Variants in MINK1 observed in about 807,000 individuals in gnomAD.
MINK1 encodes the protein misshapen-like kinase 1.
MINK1 carries 46 observed loss-of-function variants against 178.4 expected under a neutral mutation model. The ratio of observed to expected loss-of-function variants is 0.26; its 90% CI spans 0.20 to 0.33. The LOEUF is 0.33. Ranked by LOEUF, MINK1 falls within the 10% of genes least tolerant of loss-of-function variation. The pLI, the probability that MINK1 is intolerant of heterozygous loss-of-function variation, is 1.00. For synonymous variants in MINK1, 797 were observed against 709.7 expected (o/e 1.12, Z -1.96); for missense variants, 1,366 against 1,814.9 (o/e 0.75, Z 4.49).
At chr17:4,879,144 GA>G (rs1418335128) in intron 2 of MINK1, among the ~76,000 whole-genome samples, 2 of 131,522 alleles carry the variant, frequency 1.5e-5, no homozygotes, top group African/African-American at 6.0e-5. Flanking sequence ...CTTGGATTGG[GA>G]GGAGCCGCTG....
chr17:4,878,341 G>A lies in MINK1; in HGVS notation c.82G>A (p.Val28Met). 1.3e-6 allele frequency: 2 copies of A among 1,537,648 alleles called. No individual in the cohort carries two copies. The change falls in exon 2 of 32, where the codon GTG (valine) becomes ATG (methionine). Residue 28 changes from valine to methionine, a missense_variant. Val to Met is a conservative substitution (Grantham distance 21). Coordinates refer to ENST00000355280, the MANE Select transcript of MINK1 (RefSeq NM_153827.5). ...LRDPAGIFEL[V>M]EVVGNGTYGQ... Reference sequence around the variant, plus strand: ...GGACCCTGCTGGGATCTTTGAGCTTGTGGAGGTGGTCGGCAATGGAACCTA... The same window carrying A: ...GGACCCTGCTGGGATCTTTGAGCTTATGGAGGTGGTCGGCAATGGAACCTA...
In MINK1 at chr17:4,896,109, C is replaced by T. The variant is rs1969429713; in HGVS notation, c.3465+6C>T. Reference sequence around the variant, plus strand: ...ACAAATTCATGGCCTTCAAGGTAATCCCAGCCTCGGTCCCTAACACCATCT... The same window carrying T: ...ACAAATTCATGGCCTTCAAGGTAATTCCAGCCTCGGTCCCTAACACCATCT... On this transcript the variant is annotated splice_donor_region_variant and intron_variant, in intron 28 of 31. Transcript: ENST00000355280. The surrounding 1 kb of genome is among the most constrained non-coding windows in gnomAD (Gnocchi z 4.6). 1.2e-6 allele frequency: 2 copies of T among 1,605,988 alleles called. No homozygotes were observed. The highest frequency in any genetic ancestry group is 1.7e-5 in the Admixed American group (1 of 58,730).
At position 4,894,543 on chromosome 17, in the gene MINK1, G is replaced by A. The variant is rs1343789810; in HGVS notation, c.2827G>A (p.Val943Ile). 1 of 1,605,320 alleles carries A rather than the reference G, an allele frequency of 6.2e-7. No individual in the cohort carries two copies. The highest frequency in any genetic ancestry group is 8.5e-7 in the Non-Finnish European group (1 of 1,175,830). ...ACCACAGTACCAGTCTCGTGGGCTGGTAAAGGCCCCTGGCAAGAGCTCGTT... is the reference window on the plus strand; with the variant it reads ...ACCACAGTACCAGTCTCGTGGGCTGATAAAGGCCCCTGGCAAGAGCTCGTT... ...GSGDYQSRGL[V>I]KAPGKSSFTM... is the part of the protein sequence containing the mutation. The change falls in exon 24 of 32, where the codon GTA (valine) becomes ATA (isoleucine). Residue 943 changes from valine (V) to isoleucine (I), a missense_variant. By Grantham distance (29) the Val-to-Ile change is conservative (BLOSUM62 3). Coordinates refer to ENST00000355280, the MANE Select transcript of MINK1 (RefSeq NM_153827.5). This position sits in a 1 kb window ranked among gnomAD's most constrained non-coding sequence, Gnocchi z 4.1.
At position 4,894,222 on chromosome 17, in the gene MINK1, A is replaced by G; in HGVS notation, c.2719A>G (p.Thr907Ala). Residue 907 changes from threonine (T) to alanine (A), a missense_variant, in exon 23 of 32, where the codon ACA becomes GCA. Transcript: ENST00000355280. This position sits in a 1 kb window ranked among gnomAD's most constrained non-coding sequence, Gnocchi z 4.1. Reference sequence around the variant, plus strand: ...GCTGCATGCTGACAGCAATGGGTACACAAACCTGCCTGACGTGGTCCAGCC... The same window carrying G: ...GCTGCATGCTGACAGCAATGGGTACGCAAACCTGCCTGACGTGGTCCAGCC... Reference protein sequence around the residue: ...NLLHADSNGYTNLPDVVQPSH... With the variant: ...NLLHADSNGYANLPDVVQPSH... 1 of 1,613,526 alleles carries G rather than the reference A, an allele frequency of 6.2e-7. No homozygotes were observed. Among genetic ancestry groups the G allele is most frequent in the Non-Finnish European group, 8.5e-7 (1 of 1,179,848 alleles).
At position 4,886,703 on chromosome 17, in the gene MINK1, C is replaced by CT. The variant is rs1968241306; in HGVS notation, c.949+78dup. The CT allele has an allele frequency of 2.1e-6, 3 of 1,416,088 alleles. No homozygotes were observed. 87.7% of individuals were successfully genotyped at this position (1,416,088 alleles called of 1,614,324 possible). Reference sequence around the variant, plus strand: ...TCCTCTCTGCCAGCCCTGCTCGCTCCTGGCACCCCTTCCTGCTCCCCTCCT... The same window carrying CT: ...TCCTCTCTGCCAGCCCTGCTCGCTCCTTGGCACCCCTTCCTGCTCCCCTCCT... On this transcript the variant is annotated intron_variant, in intron 10 of 31. Coordinates refer to ENST00000355280, the MANE Select transcript of MINK1 (RefSeq NM_153827.5). The surrounding 1 kb of genome is among the most constrained non-coding windows in gnomAD (Gnocchi z 6.1).
At position 4,897,495 on chromosome 17, in the gene MINK1, G is replaced by C. The variant is rs182306652; in HGVS notation, c.*208G>C. 22 of 537,354 alleles carry C rather than the reference G, an allele frequency of 4.1e-5. No homozygotes were observed. The East Asian group carries it at 6.8e-4, about 17-fold the overall frequency. The allele number at this position is 537,354 out of a possible 1,614,324, so 33.3% of individuals were successfully genotyped here. ...CCCAACATGTCCTCTTCCCAAAACT[G>C]TGCCTGTCCCCAGCTTCTGGGGAGG... On this transcript the variant is annotated 3_prime_UTR_variant, in exon 32 of 32. Transcript: ENST00000355280.
chr17:4,855,728 C>G (rs1279785524), intron 1 of MINK1, among the ~76,000 whole-genome samples: 6 of 143,838 alleles, frequency 4.2e-5, no homozygotes, highest in African/African-American at 1.5e-4. Context: ...CGAGATCGCG[C>G]CACTGCACTC....
intron 1 of MINK1, among the ~76,000 whole-genome samples, chr17:4,848,306 G>A (rs1339365511): frequency 6.6e-6 from 1 of 152,162 alleles, no homozygotes; most frequent in South Asian, 2.1e-4. Flanking sequence ...TCAAACCCCA[G>A]TTCTGTCACT....
In MINK1 at chr17:4,895,878, G is replaced by T; in HGVS notation, c.3364+46G>T. 6.3e-7 allele frequency: 1 copy of T among 1,599,716 alleles called. No individual in the cohort carries two copies. Among genetic ancestry groups the T allele is most frequent in the Non-Finnish European group, 8.5e-7 (1 of 1,171,490 alleles). On this transcript the variant is annotated intron_variant, in intron 27 of 31. Transcript: ENST00000355280. This position sits in a 1 kb window ranked among gnomAD's most constrained non-coding sequence, Gnocchi z 4.3. Reference sequence around the variant, plus strand: ...TGGCCAGCGCATACTTGTTCATGAAGAGAGAAATGGATCTGGGAGCCAGGG... The same window carrying T: ...TGGCCAGCGCATACTTGTTCATGAATAGAGAAATGGATCTGGGAGCCAGGG...
At chr17:4,876,915 C>G (rs1379915381) in intron 1 of MINK1, among the ~76,000 whole-genome samples, 1 of 151,970 alleles carries the variant, frequency 6.6e-6, no homozygotes, top group Non-Finnish European at 1.5e-5. Context: ...TAGTGACACC[C>G]CGTCTCTACT....
At position 4,843,885 on chromosome 17, in the gene MINK1, C is replaced by G. The variant is rs61566335; in HGVS notation, c.57+10245C>G. On this transcript the variant is annotated intron_variant, in intron 1 of 31. Transcript: ENST00000355280. ...GGCTGCCATGCTGTTGGAGGGAGAC[C>G]TGCTCCCACGTGGCGGTGGGTATTT... 6.8e-3 allele frequency among the ~76,000 whole-genome samples: 1,028 copies of G among 152,274 alleles called. 11 individuals carry two copies. The highest frequency in any genetic ancestry group is 0.023 in the African/African-American group (948 of 41,552).
In MINK1 at chr17:4,843,186, G is replaced by A. The variant is rs112081346; in HGVS notation, c.57+9546G>A. Among the ~76,000 whole-genome samples, 248 of 152,234 alleles carry A rather than the reference G, an allele frequency of 1.6e-3. 2 individuals are homozygous for A. The highest frequency in any genetic ancestry group is 6.8e-3 in the Middle Eastern group (2 of 294). ...GGAACAGGCAGGATGTGGATCAGAA[G>A]TTGGTTTGGGCTGGGCGCAGTGGCT... On this transcript the variant is annotated intron_variant, in intron 1 of 31. Coordinates refer to ENST00000355280, the MANE Select transcript of MINK1 (RefSeq NM_153827.5).
At chr17:4,862,465 G>A (rs141291482) in intron 1 of MINK1, among the ~76,000 whole-genome samples, 1,876 of 152,182 alleles carry the variant, frequency 0.012, 17 homozygotes, top group Non-Finnish European at 0.02. Flanking sequence ...GACCAGCCAG[G>A]CCAACATGGC....
chr17:4,836,058 T>C lies in MINK1; in HGVS notation c.57+2418T>C, dbSNP rs1363471792. ...CTGCTGCAGACCTTTTCTCAGTGCC[T>C]GTCCCCCTGACTCCACCTCAGAGAG... On this transcript the variant is annotated intron_variant, in intron 1 of 31. Coordinates refer to ENST00000355280, the MANE Select transcript of MINK1 (RefSeq NM_153827.5). The surrounding 1 kb of genome is among the most constrained non-coding windows in gnomAD (Gnocchi z 4.3). 6.6e-6 allele frequency among the ~76,000 whole-genome samples: 1 copy of C among 152,206 alleles called. No individual in the cohort carries two copies. Among genetic ancestry groups the C allele is most frequent in the Non-Finnish European group, 1.5e-5 (1 of 68,046 alleles).
intron 1 of MINK1, among the ~76,000 whole-genome samples, chr17:4,877,091 GAAA>G (rs1010571846): frequency 9.9e-6 from 1 of 100,520 alleles, no homozygotes. Context: ...AGTCTCAAAA[GAAA>G]AAAAAAAAAA....
Position 4,897,991 on chromosome 17 carries a change from C to CCCCCCCCCCCCCT in MINK1, c.*705_*706insCCCCCCCCCCCTC, listed in dbSNP as rs1555545738. 2.1e-5 allele frequency: 3 copies of CCCCCCCCCCCCCT among 145,852 alleles called. No individual in the cohort carries two copies. Among genetic ancestry groups the CCCCCCCCCCCCCT allele is most frequent in the African/African-American group, 2.5e-5 (1 of 40,238 alleles). 9.0% of individuals were successfully genotyped at this position (145,852 alleles called of 1,614,324 possible). On this transcript the variant is annotated 3_prime_UTR_variant, in exon 32 of 32. Coordinates refer to ENST00000355280, the MANE Select transcript of MINK1 (RefSeq NM_153827.5). ...GCAAGTAACCCTTCTCCCTCCCCCC[C>CCCCCCCCCCCCCT]CACCCCTCCTCAATGTAGTGGCCTT...
chr17:4,834,720 G>T, intron 1 of MINK1: 1 of 519,274 alleles, frequency 1.9e-6, no homozygotes, highest in South Asian at 1.4e-5. Flanking sequence ...TTGATCCTGT[G>T]CCCTTCCAGC....
intron 1 of MINK1, among the ~76,000 whole-genome samples, chr17:4,846,767 C>G (rs569925120): frequency 1.1e-4 from 16 of 152,260 alleles, no homozygotes; most frequent in Admixed American, 3.3e-4. Flanking sequence ...AACTCCTGGC[C>G]TCAAGTGATC....
rs758352718 is a variant in MINK1 at position 4,897,184 on chromosome 17, T to A, written c.3916-20T>A. ...CCCCCAACCTCAGCCCTTGGTGACT[T>A]CTTCTCCTGCCCCACCCAGGTGTTT... On this transcript the variant is annotated intron_variant, in intron 31 of 31. Transcript: ENST00000355280. 21 of 1,610,402 alleles carry A rather than the reference T, an allele frequency of 1.3e-5. No homozygotes were observed. Among genetic ancestry groups the A allele is most frequent in the South Asian group, 5.5e-5 (5 of 90,500 alleles).
Sources: gnomAD v4.1 joint callset for allele counts (sites outside exome capture counted in the v4.1 genomes callset) on GRCh38, gnomAD v4.1.1 for gene constraint, Gnocchi (gnomAD v3.1) non-coding constraint, MANE v1.5 for transcripts, NCBI Gene and HGNC (gene_info 2026-07-23, HGNC 2026-07-21) for gene names.